Variants in DMRTA2 observed in about 807,000 individuals in gnomAD.
The protein encoded by DMRTA2 is doublesex- and mab-3-related transcription factor A2.
DMRTA2 carries 10 observed loss-of-function variants against 29.7 expected under a neutral mutation model. That is an observed-to-expected ratio of 0.34 (90% CI 0.21 to 0.57). The LOEUF (loss-of-function observed/expected upper bound fraction) is 0.57, where lower values mean the gene tolerates loss of function less well. DMRTA2 is among the 20% of genes least tolerant of loss of function. DMRTA2 has a pLI of 0.87. For synonymous variants in DMRTA2, 469 were observed against 402.6 expected, an observed-to-expected ratio of 1.16 and a Z score of -1.97; for missense variants, 783 against 812.1, an observed-to-expected ratio of 0.96 and a Z score of 0.44.
chr1:50,418,140 T>C lies in DMRTA2; in HGVS notation c.*525A>G, dbSNP rs1428075430. 2 of 152,138 alleles carry C rather than the reference T, an allele frequency of 1.3e-5. No individual in the cohort carries two copies. Among genetic ancestry groups the C allele is most frequent in the Non-Finnish European group, 2.9e-5 (2 of 68,034 alleles). 9.4% of individuals were successfully genotyped at this position (152,138 alleles called of 1,614,324 possible). On this transcript the variant is annotated 3_prime_UTR_variant, in exon 3 of 3. Transcript: ENST00000404795. ...ACCTTAAAACTTGTTTCCTTTTTTT[T>C]TTTTTACAATTGTATCGATATATAT...
Position 50,418,704 on chromosome 1 carries a change from C to T in DMRTA2, c.1590G>A (p.Leu530=). Reference sequence around the variant, plus strand: ...GAGCGCCGTTGACCATAGGCCCGTACAGGCCGCCGCCGTAGGTCGGCTCCT... The same window carrying T: ...GAGCGCCGTTGACCATAGGCCCGTATAGGCCGCCGCCGTAGGTCGGCTCCT... ...VHKEPTYGGG[L]YGPMVNGAPE... is the part of the protein sequence containing the mutation. The change falls in exon 3 of 3, where the codon CTG becomes CTA. Residue 530 remains leucine (L), a synonymous_variant. Coordinates refer to ENST00000404795, the MANE Select transcript of DMRTA2 (RefSeq NM_032110.3). The T allele has an allele frequency of 6.7e-7, 1 of 1,496,950 alleles. No individual in the cohort carries two copies. Among genetic ancestry groups the T allele is most frequent in the Non-Finnish European group, 8.9e-7 (1 of 1,128,422 alleles). The allele number at this position is 1,496,950 out of a possible 1,614,324, so 92.7% of individuals were successfully genotyped here. A position where few individuals can be genotyped will look rare whatever the true frequency, so the allele number is the denominator to read the frequency against.
Position 50,419,508 on chromosome 1 carries a change from G to C in DMRTA2, c.786C>G (p.Ser262Arg). 4 of 1,587,338 alleles carry C rather than the reference G, an allele frequency of 2.5e-6. No individual in the cohort carries two copies. Among genetic ancestry groups the C allele is most frequent in the Non-Finnish European group, 3.4e-6 (4 of 1,170,628 alleles). Residue 262 changes from serine (S) to arginine (R), a missense_variant, in exon 3 of 3, where the codon AGC becomes AGG. Ser to Arg is a moderately radical substitution (Grantham distance 110, BLOSUM62 -1). Coordinates refer to ENST00000404795, the MANE Select transcript of DMRTA2 (RefSeq NM_032110.3). This position sits in a 1 kb window ranked among gnomAD's most constrained non-coding sequence, Gnocchi z 6.1. ...CGCCAGGGCCAGCGCTGCCTGGGCAGCTGCCACCTGCCTCTTTGGAGGCCC... is the reference window on the plus strand; with the variant it reads ...CGCCAGGGCCAGCGCTGCCTGGGCACCTGCCACCTGCCTCTTTGGAGGCCC... Reference protein sequence around the residue: ...LARASKEAGGSCPGSAGPGGG... With the variant: ...LARASKEAGGRCPGSAGPGGG...
rs1220421927 is a variant in DMRTA2 at position 50,421,386 on chromosome 1, G to T, written c.151C>A (p.Leu51Met). The change falls in exon 2 of 3, where the codon CTG (leucine) becomes ATG (methionine). Residue 51 changes from leucine (L) to methionine (M), a missense_variant. Leu to Met is a conservative substitution (Grantham distance 15). Coordinates refer to ENST00000404795, the MANE Select transcript of DMRTA2 (RefSeq NM_032110.3). This position sits in a 1 kb window ranked among gnomAD's most constrained non-coding sequence, Gnocchi z 8.7. Reference sequence around the variant, plus strand: ...CGCAGCAACAGTGGCGGCCCCCGCAGCAAGCCGCCTGCCACGCTCACCGGT... The same window carrying T: ...CGCAGCAACAGTGGCGGCCCCCGCATCAAGCCGCCTGCCACGCTCACCGGT... ...SLPVSVAGGL[L>M]RGPPLLLRAA... is the part of the protein sequence containing the mutation. 3.3e-6 allele frequency: 5 copies of T among 1,493,138 alleles called. No homozygotes were observed. The Admixed American group carries it at 1.1e-4, about 33-fold the overall frequency. The allele number at this position is 1,493,138 out of a possible 1,614,324, so 92.5% of individuals were successfully genotyped here.
rs1646024215 is a variant in DMRTA2, at chr1:50,419,943, C to A, written c.560-209G>T. On this transcript the variant is annotated intron_variant, in intron 2 of 2. Transcript: ENST00000404795. The surrounding 1 kb of genome is among the most constrained non-coding windows in gnomAD (Gnocchi z 6.1). ...CCAGGGCTCCCTCTCTTTCTGTACTCCTCAGAACCCCAACTACCTGTGCCC... is the reference window on the plus strand; with the variant it reads ...CCAGGGCTCCCTCTCTTTCTGTACTACTCAGAACCCCAACTACCTGTGCCC... Among the ~76,000 whole-genome samples, 1 of 150,166 alleles carries A rather than the reference C, an allele frequency of 6.7e-6. No homozygotes were observed. The highest frequency in any genetic ancestry group is 1.5e-5 in the Non-Finnish European group (1 of 67,248).
rs74082512 is a variant in DMRTA2, at chr1:50,420,551, T to A, written c.559+427A>T. Among the ~76,000 whole-genome samples the A allele has an allele frequency of 0.019, 2,836 of 147,836 alleles. 93 individuals carry two copies. The highest frequency in any genetic ancestry group is 0.071 in the African/African-American group (2,688 of 38,022). On this transcript the variant is annotated intron_variant, in intron 2 of 2. Coordinates refer to ENST00000404795, the MANE Select transcript of DMRTA2 (RefSeq NM_032110.3). The surrounding 1 kb of genome is among the most constrained non-coding windows in gnomAD (Gnocchi z 4.1). ...CTAGGGCGTCTCAGAACCTAGGGCG[T>A]CTCAAAACCTAGGGTGTCAGTTAAA...
At position 50,419,588 on chromosome 1, in the gene DMRTA2, C is replaced by T; in HGVS notation, c.706G>A (p.Gly236Ser). 2.6e-6 allele frequency: 4 copies of T among 1,552,594 alleles called. No individual in the cohort carries two copies. Among genetic ancestry groups the T allele is most frequent in the Non-Finnish European group, 3.5e-6 (4 of 1,150,468 alleles). ...CCATCGCCGTTCTCCGAGCCTGAGCCGGGCCGCACCTCTGGGGACGACGTC... is the reference window on the plus strand; with the variant it reads ...CCATCGCCGTTCTCCGAGCCTGAGCTGGGCCGCACCTCTGGGGACGACGTC... ...PGTSSPEVRP[G>S]SGSENGDGES... Residue 236 changes from glycine (G) to serine (S), a missense_variant, in exon 3 of 3, where the codon GGC becomes AGC. Physicochemically the swap from Gly to Ser is moderately conservative, Grantham distance 56. Coordinates refer to ENST00000404795, the MANE Select transcript of DMRTA2 (RefSeq NM_032110.3). This position sits in a 1 kb window ranked among gnomAD's most constrained non-coding sequence, Gnocchi z 6.1.
rs1480172726 is a variant in DMRTA2, at chr1:50,421,700, C to G, written c.-8-156G>C. 2.3e-6 allele frequency: 2 copies of G among 865,068 alleles called. No homozygotes were observed. The highest frequency in any genetic ancestry group is 3.0e-6 in the Non-Finnish European group (2 of 663,390). The allele number at this position is 865,068 out of a possible 1,614,324, so 53.6% of individuals were successfully genotyped here. Reference sequence around the variant, plus strand: ...CAGAATTGCTGGGAGGAGGTGCAGTCGGAACCTCCTTGTGAGCCCTAGCAC... The same window carrying G: ...CAGAATTGCTGGGAGGAGGTGCAGTGGGAACCTCCTTGTGAGCCCTAGCAC... On this transcript the variant is annotated intron_variant, in intron 1 of 2. Transcript: ENST00000404795. The surrounding 1 kb of genome is among the most constrained non-coding windows in gnomAD (Gnocchi z 8.7).
In DMRTA2 at chr1:50,418,543, T is replaced by G; in HGVS notation, c.*122A>C. 2.6e-5 allele frequency: 22 copies of G among 838,680 alleles called. No homozygotes were observed. Among genetic ancestry groups the G allele is most frequent in the Middle Eastern group, 3.9e-4 (1 of 2,550 alleles). The allele number at this position is 838,680 out of a possible 1,614,324, so 52.0% of individuals were successfully genotyped here. On this transcript the variant is annotated 3_prime_UTR_variant, in exon 3 of 3. Coordinates refer to ENST00000404795, the MANE Select transcript of DMRTA2 (RefSeq NM_032110.3). Reference sequence around the variant, plus strand: ...TCCTAAACAAAACCCAAAAACCACCTTAGAGTGAGAAGACGCCCAGCCAGG... The same window carrying G: ...TCCTAAACAAAACCCAAAAACCACCGTAGAGTGAGAAGACGCCCAGCCAGG...
rs1369359407 is a variant in DMRTA2, at chr1:50,419,461, G to A, written c.833C>T (p.Pro278Leu). Residue 278 changes from proline to leucine, a missense_variant, in exon 3 of 3, where the codon CCG becomes CTG. Pro to Leu is a moderately conservative substitution (Grantham distance 98). This residue lies in a region of DMRTA2 where 667 missense variants were observed against 624.8 expected (regional missense o/e 1.07). Transcript: ENST00000404795. This position sits in a 1 kb window ranked among gnomAD's most constrained non-coding sequence, Gnocchi z 6.1. ...AGAGCCCAGAGGGCTAGCGGAGCCC[G>A]GGCTGTCCTCCTCGCCGCCGCCGCC... is the stretch of plus-strand genomic sequence containing the variant. ...GPGGGGEEDS[P>L]GSASPLGSES... The A allele has an allele frequency of 3.1e-6, 5 of 1,597,566 alleles. No homozygotes were observed. Among genetic ancestry groups the A allele is most frequent in the East Asian group, 2.3e-5 (1 of 44,434 alleles).
In DMRTA2 at chr1:50,418,947, A is replaced by T; in HGVS notation, c.1347T>A (p.Gly449=). ...CCAGCGGGTAGGCGCCCGCGTCGGC[A>T]CCGAAGTGACTGGCGTTGGGCTGCA... ...SPLQPNASHF[G]ADAGAYPLGA... is the part of the protein sequence containing the mutation. The change falls in exon 3 of 3, where the codon GGT becomes GGA. Residue 449 remains glycine (G), a synonymous_variant. Coordinates refer to ENST00000404795, the MANE Select transcript of DMRTA2 (RefSeq NM_032110.3). The T allele has an allele frequency of 6.9e-7, 1 of 1,451,096 alleles. No homozygotes were observed. The highest frequency in any genetic ancestry group is 9.0e-7 in the Non-Finnish European group (1 of 1,106,790). 89.9% of individuals were successfully genotyped at this position (1,451,096 alleles called of 1,614,324 possible). A position where few individuals can be genotyped will look rare whatever the true frequency, so the allele number is the denominator to read the frequency against.
Position 50,419,792 on chromosome 1 carries a change from C to T in DMRTA2, c.560-58G>A, listed in dbSNP as rs559558758. Reference sequence around the variant, plus strand: ...GTTAGCTAGAAGACAGCAGTCACAGCACCTCGGCCCTTTGGATCTCAGTTT... The same window carrying T: ...GTTAGCTAGAAGACAGCAGTCACAGTACCTCGGCCCTTTGGATCTCAGTTT... On this transcript the variant is annotated intron_variant, in intron 2 of 2. Coordinates refer to ENST00000404795, the MANE Select transcript of DMRTA2 (RefSeq NM_032110.3). This position sits in a 1 kb window ranked among gnomAD's most constrained non-coding sequence, Gnocchi z 6.1. The T allele has an allele frequency of 2.6e-5, 35 of 1,366,520 alleles. No homozygotes were observed. In the East Asian group the frequency reaches 8.3e-4, roughly 32 times the overall value. 84.6% of individuals were successfully genotyped at this position (1,366,520 alleles called of 1,614,324 possible). A position where few individuals can be genotyped will look rare whatever the true frequency, so the allele number is the denominator to read the frequency against.
Position 50,422,017 on chromosome 1 carries a change from A to G in DMRTA2, c.-8-473T>C, listed in dbSNP as rs1646042309. Among the ~76,000 whole-genome samples, 1 of 152,190 alleles carries G rather than the reference A, an allele frequency of 6.6e-6. No homozygotes were observed. Among genetic ancestry groups the G allele is most frequent in the Admixed American group, 6.5e-5 (1 of 15,276 alleles). ...CCAAGGGCAAAACAGGAAAACCCGG[A>G]GCAAAACGGTCAGTTTGGTGGAAGG... On this transcript the variant is annotated intron_variant, in intron 1 of 2. Transcript: ENST00000404795. This position sits in a 1 kb window ranked among gnomAD's most constrained non-coding sequence, Gnocchi z 5.7.
At position 50,418,826 on chromosome 1, in the gene DMRTA2, C is replaced by T. The variant is rs777814885; in HGVS notation, c.1468G>A (p.Gly490Ser). ...CGGAAGCCGAGCGTGGGCACCAAGC[C>T]GGCAGTGGAGTAGGGCGCCATGAAG... The part of the protein sequence containing the change: ...LAFMAPYSTA[G>S]LVPTLGFRPP... The change falls in exon 3 of 3, where the codon GGC (glycine) becomes AGC (serine). Residue 490 changes from glycine to serine, a missense_variant. By Grantham distance (56) the Gly-to-Ser change is moderately conservative (BLOSUM62 0). This residue lies in a region of DMRTA2 where 667 missense variants were observed against 624.8 expected (regional missense o/e 1.07). Coordinates refer to ENST00000404795, the MANE Select transcript of DMRTA2 (RefSeq NM_032110.3). 3.8e-6 allele frequency: 6 copies of T among 1,587,088 alleles called. No individual in the cohort carries two copies. The highest frequency in any genetic ancestry group is 4.3e-6 in the Non-Finnish European group (5 of 1,169,626).
chr1:50,418,974 C>A lies in DMRTA2; in HGVS notation c.1320G>T (p.Pro440=). The change falls in exon 3 of 3, where the codon CCG becomes CCT. Residue 440 remains proline (P), a synonymous_variant. Transcript: ENST00000404795. ...CGAAGTGACTGGCGTTGGGCTGCAG[C>A]GGCGAGAAGGCCGAGCGGCTGCTCA... ...GSLSSRSAFS[P]LQPNASHFGA... 1 of 1,438,756 alleles carries A rather than the reference C, an allele frequency of 7.0e-7. No homozygotes were observed. Among genetic ancestry groups the A allele is most frequent in the Non-Finnish European group, 9.1e-7 (1 of 1,101,608 alleles). The allele number at this position is 1,438,756 out of a possible 1,614,324, so 89.1% of individuals were successfully genotyped here.
Position 50,419,858 on chromosome 1 carries a change from G to T in DMRTA2, c.560-124C>A. On this transcript the variant is annotated intron_variant, in intron 2 of 2. Coordinates refer to ENST00000404795, the MANE Select transcript of DMRTA2 (RefSeq NM_032110.3). This position sits in a 1 kb window ranked among gnomAD's most constrained non-coding sequence, Gnocchi z 6.1. ...CACAGCCCTTATTCACTAGGCTCCA[G>T]TGCCCCTCTTTCTTTTTGCTCTAGC... 1.3e-6 allele frequency: 1 copy of T among 793,058 alleles called. No individual in the cohort carries two copies. Among genetic ancestry groups the T allele is most frequent in the Non-Finnish European group, 1.9e-6 (1 of 538,496 alleles). The allele number at this position is 793,058 out of a possible 1,614,324, so 49.1% of individuals were successfully genotyped here.
At position 50,421,093 on chromosome 1, in the gene DMRTA2, G is replaced by T. The variant is rs1646034693; in HGVS notation, c.444C>A (p.Ile148=). The T allele has an allele frequency of 1.3e-6, 2 of 1,524,290 alleles. No individual in the cohort carries two copies. The highest frequency in any genetic ancestry group is 1.8e-6 in the Non-Finnish European group (2 of 1,140,802). The allele number at this position is 1,524,290 out of a possible 1,614,324, so 94.4% of individuals were successfully genotyped here. ...AGACCTCGTAGGCGGGCCTCGGGGG[G>T]ATGATGCCGTTGGCGGCGGCCAGCG... ...GLALAAANGI[I]PPRPAYEVFG... is the part of the protein sequence containing the mutation. The change falls in exon 2 of 3, where the codon ATC becomes ATA. Residue 148 remains isoleucine (I), a synonymous_variant. Coordinates refer to ENST00000404795, the MANE Select transcript of DMRTA2 (RefSeq NM_032110.3). The surrounding 1 kb of genome is among the most constrained non-coding windows in gnomAD (Gnocchi z 8.7).
At position 50,420,315 on chromosome 1, in the gene DMRTA2, C is replaced by T. The variant is rs1646026268; in HGVS notation, c.560-581G>A. On this transcript the variant is annotated intron_variant, in intron 2 of 2. Coordinates refer to ENST00000404795, the MANE Select transcript of DMRTA2 (RefSeq NM_032110.3). The surrounding 1 kb of genome is among the most constrained non-coding windows in gnomAD (Gnocchi z 4.1). ...AGAGCGGATCCCTCCTTTCCCTCAACGGCTCTGGCCTAATTTCTTCCCTCC... is the reference window on the plus strand; with the variant it reads ...AGAGCGGATCCCTCCTTTCCCTCAATGGCTCTGGCCTAATTTCTTCCCTCC... 6.6e-6 allele frequency among the ~76,000 whole-genome samples: 1 copy of T among 152,162 alleles called. No individual in the cohort carries two copies. The highest frequency in any genetic ancestry group is 2.1e-4 in the South Asian group (1 of 4,820).
At position 50,419,738 on chromosome 1, in the gene DMRTA2, G is replaced by A. The variant is rs767820033; in HGVS notation, c.560-4C>T. The A allele has an allele frequency of 3.4e-6, 5 of 1,462,860 alleles. No homozygotes were observed. The highest frequency in any genetic ancestry group is 2.7e-6 in the Non-Finnish European group (3 of 1,109,580). The allele number at this position is 1,462,860 out of a possible 1,614,324, so 90.6% of individuals were successfully genotyped here. On this transcript the variant is annotated splice_region_variant and splice_polypyrimidine_tract_variant and intron_variant, in intron 2 of 2. Transcript: ENST00000404795. This position sits in a 1 kb window ranked among gnomAD's most constrained non-coding sequence, Gnocchi z 6.1. ...TCAAACTTCTGCAACTTGGCCTCTG[G>A]GAGGGGAGAAAACGTGTCGTGAGGA...
In DMRTA2 at chr1:50,418,977, C is replaced by T. The variant is rs1187382124; in HGVS notation, c.1317G>A (p.Ser439=). Residue 439 remains serine, a synonymous_variant, in exon 3 of 3, where the codon TCG becomes TCA. Coordinates refer to ENST00000404795, the MANE Select transcript of DMRTA2 (RefSeq NM_032110.3). ...LGSLSSRSAF[S]PLQPNASHFG... is the part of the protein sequence containing the mutation. ...AGTGACTGGCGTTGGGCTGCAGCGG[C>T]GAGAAGGCCGAGCGGCTGCTCAGCG... 7 of 1,435,012 alleles carry T rather than the reference C, an allele frequency of 4.9e-6. No individual in the cohort carries two copies. Among genetic ancestry groups the T allele is most frequent in the Non-Finnish European group, 4.5e-6 (5 of 1,100,054 alleles). 88.9% of individuals were successfully genotyped at this position (1,435,012 alleles called of 1,614,324 possible).
Sources: allele counts gnomAD v4.1 joint callset (sites outside exome capture counted in the v4.1 genomes callset), GRCh38; gene constraint gnomAD v4.1.1; regional missense constraint gnomAD v4.1.1; non-coding constraint Gnocchi (gnomAD v3.1); transcripts MANE v1.5; gene names NCBI Gene and HGNC (gene_info 2026-07-23, HGNC 2026-07-21).